Variants in AP3S2 observed in about 807,000 individuals in gnomAD.
AP3S2 encodes the protein adaptor related protein complex 3 subunit sigma 2.
In AP3S2, 22 loss-of-function variants were observed where a neutral mutation model predicts 23.4. The observed-to-expected ratio is 0.94, with a 90% CI of 0.67 to 1.34. AP3S2 has a LOEUF of 1.34. Ranked by LOEUF, AP3S2 falls within the 40% of genes most tolerant of loss-of-function variation. AP3S2 has a pLI of 0.00. For missense variants in AP3S2, 241 were observed against 236.9 expected (o/e 1.02, Z -0.11); for synonymous variants, 86 against 87.1 (o/e 0.99, Z 0.07).
At chr15:89,847,214 TAA>T (rs1292860929) in intron 4 of AP3S2, among the ~76,000 whole-genome samples, 1 of 141,186 alleles carries the variant, frequency 7.1e-6, no homozygotes, top group African/African-American at 2.6e-5. Context: ...TCTGTCTCTC[TAA>T]AAAAAAAAAG....
intron 3 of AP3S2, among the ~76,000 whole-genome samples, chr15:89,874,129 T>A (rs1435394224): frequency 1.1e-4 from 1 of 9,334 alleles, no homozygotes; most frequent in Non-Finnish European, 2.1e-4. Flanking sequence ...GGTTTTGGGT[T>A]TTTTTTTTTT....
At chr15:89,891,680 G>A (rs955998061) in intron 1 of AP3S2, among the ~76,000 whole-genome samples, 1 of 151,180 alleles carries the variant, frequency 6.6e-6, no homozygotes, top group Admixed American at 6.6e-5. Context: ...GCCACAGTGA[G>A]ATACCACTTT....
At chr15:89,883,281 G>A (rs983305904) in intron 3 of AP3S2, among the ~76,000 whole-genome samples, 10 of 151,572 alleles carry the variant, frequency 6.6e-5, no homozygotes, top group African/African-American at 2.2e-4. Flanking sequence ...TCCATAATCC[G>A]GCCACCTTAC....
intron 1 of AP3S2, 97 bp downstream of exon 1, chr15:89,893,784 G>T: frequency 1.6e-6 from 2 of 1,241,204 alleles, no homozygotes; most frequent in Non-Finnish European, 2.3e-6. Context: ...AGCCCCAGGT[G>T]ACCAAAGAGC....
intron 3 of AP3S2, among the ~76,000 whole-genome samples, chr15:89,887,449 G>A (rs965117807): frequency 1.1e-4 from 17 of 151,850 alleles, no homozygotes; most frequent in African/African-American, 4.1e-4. Flanking sequence ...TCGGCTCACT[G>A]CAACCTCTGC....
At chr15:89,867,095 G>A (rs973327109) in intron 4 of AP3S2, among the ~76,000 whole-genome samples, 5 of 142,272 alleles carry the variant, frequency 3.5e-5, no homozygotes, top group Admixed American at 7.2e-5. Flanking sequence ...CTGTACTACT[G>A]CCATCTCGGC....
chr15:89,843,800 C>T lies in AP3S2; in HGVS notation c.346-6078G>A, dbSNP rs186456405. ...TCCAGCCTGGGCAACAAGAGTGAAACTCCGTCTCAGAAACAAAAACAAAAA... is the reference window on the plus strand; with the variant it reads ...TCCAGCCTGGGCAACAAGAGTGAAATTCCGTCTCAGAAACAAAAACAAAAA... On this transcript the variant is annotated intron_variant, in intron 4 of 5. Transcript: ENST00000336418. Among the ~76,000 whole-genome samples the T allele has an allele frequency of 4.6e-5, 7 of 152,282 alleles. No homozygotes were observed. In the East Asian group the frequency reaches 1.3e-3, roughly 29 times the overall value.
intron 3 of AP3S2, among the ~76,000 whole-genome samples, chr15:89,880,143 C>CA (rs774385490): frequency 2.7e-5 from 4 of 149,412 alleles, no homozygotes; most frequent in Non-Finnish European, 5.9e-5. Flanking sequence ...ACTCTGTCTC[C>CA]AAAAAATAAA....
At chr15:89,873,331 C>A (rs1470881261) in intron 3 of AP3S2, among the ~76,000 whole-genome samples, 1 of 150,636 alleles carries the variant, frequency 6.6e-6, no homozygotes, top group Admixed American at 6.6e-5. Flanking sequence ...GTTGTCCACG[C>A]TGAAGTGCAG....
chr15:89,855,621 G>A (rs908072138), intron 4 of AP3S2, among the ~76,000 whole-genome samples: 1 of 143,722 alleles, frequency 7.0e-6, no homozygotes, highest in Non-Finnish European at 1.5e-5. Context: ...GGCCAAGGCG[G>A]GCAGATCACC....
rs1596212094 is a variant in AP3S2 at position 89,872,715 on chromosome 15, A to T, written c.274-1169T>A. Among the ~76,000 whole-genome samples the T allele has an allele frequency of 2.0e-5, 3 of 152,172 alleles. No homozygotes were observed. In the South Asian group the frequency reaches 6.2e-4, roughly 32 times the overall value. On this transcript the variant is annotated intron_variant, in intron 3 of 5. Coordinates refer to ENST00000336418, the MANE Select transcript of AP3S2 (RefSeq NM_005829.5). Reference sequence around the variant, plus strand: ...AACCACCCTGCAGCGGCTGCTGGGGAGACAGACCCACTTGCCATGAGGAAC... The same window carrying T: ...AACCACCCTGCAGCGGCTGCTGGGGTGACAGACCCACTTGCCATGAGGAAC...
At chr15:89,837,494 AAAG>A (rs1214806688) in intron 5 of AP3S2, 118 bp downstream of exon 5, 24 of 1,136,470 alleles carry the variant, frequency 2.1e-5, no homozygotes, top group Non-Finnish European at 2.8e-5. Context: ...CTCAAGGAAG[AAAG>A]AAGATGAGTA....
intron 3 of AP3S2, chr15:89,878,330 G>A (rs1455806392): frequency 1.6e-6 from 1 of 621,798 alleles, no homozygotes; most frequent in East Asian, 3.0e-5. Context: ...CAATGGAGTA[G>A]GAGAAAATAT....
At chr15:89,875,880 G>C (rs1278237248) in intron 3 of AP3S2, among the ~76,000 whole-genome samples, 1 of 152,110 alleles carries the variant, frequency 6.6e-6, no homozygotes, top group African/African-American at 2.4e-5. Context: ...GGGAGACAGA[G>C]GTTACAGTGA....
At chr15:89,840,544 C>T (rs1895302667) in intron 4 of AP3S2, among the ~76,000 whole-genome samples, 1 of 152,288 alleles carries the variant, frequency 6.6e-6, no homozygotes, top group South Asian at 2.1e-4. Flanking sequence ...TCTCCCAACT[C>T]AGCCTCCTGA....
intron 4 of AP3S2, among the ~76,000 whole-genome samples, chr15:89,858,523 G>GAGAGAGAAAGATAGAA (rs1555446558): frequency 1.9e-5 from 1 of 53,654 alleles, no homozygotes. Flanking sequence ...GAGAGAGAGA[G>GAGAGAGAAAGATAGAA]AGAAAGAAAG....
intron 4 of AP3S2, among the ~76,000 whole-genome samples, chr15:89,851,048 A>C (rs1895639523): frequency 6.6e-6 from 1 of 152,168 alleles, no homozygotes; most frequent in Non-Finnish European, 1.5e-5. Flanking sequence ...CTATTTTCAA[A>C]TATGCTTAAC....
chr15:89,872,826 G>A (rs1322807351), intron 3 of AP3S2, among the ~76,000 whole-genome samples: 2 of 152,110 alleles, frequency 1.3e-5, no homozygotes, highest in Non-Finnish European at 2.9e-5. Context: ...TTTCCTTGCC[G>A]ACTCTGATAC....
chr15:89,844,150 C>T (rs1470469433), intron 4 of AP3S2, among the ~76,000 whole-genome samples: 2 of 152,230 alleles, frequency 1.3e-5, no homozygotes, highest in Non-Finnish European at 2.9e-5. Flanking sequence ...TTATAAACAA[C>T]AAAACTTTGA....
Sources: gnomAD v4.1 joint callset for allele counts (sites outside exome capture counted in the v4.1 genomes callset) on GRCh38, gnomAD v4.1.1 for gene constraint, MANE v1.5 for transcripts, NCBI Gene and HGNC (gene_info 2026-07-23, HGNC 2026-07-21) for gene names.